Variants in NRXN1 observed in about 807,000 individuals in gnomAD.
NRXN1 encodes neurexin-1.
A neutral mutation model predicts 150.9 loss-of-function variants in NRXN1; 39 were observed. The ratio of observed to expected loss-of-function variants is 0.26; its 90% CI spans 0.20 to 0.34. The LOEUF (loss-of-function observed/expected upper bound fraction) is 0.34. NRXN1 is among the 10% of genes least tolerant of loss of function. The pLI, the probability that NRXN1 is intolerant of heterozygous loss-of-function variation, is 1.00. For synonymous variants in NRXN1, 924 were observed against 757.0 expected, an observed-to-expected ratio of 1.22 and a Z score of -3.62; for missense variants, 1,815 against 1,949.9, an observed-to-expected ratio of 0.93 and a Z score of 1.30.
chr2:50,160,165 T>C (rs2059274127), intron 18 of NRXN1, among the ~76,000 whole-genome samples: 1 of 140,974 alleles, frequency 7.1e-6, no homozygotes, highest in Non-Finnish European at 1.6e-5. Flanking sequence ...GGATGCAAAA[T>C]TGAGTGTAAT....
At chr2:50,464,440 C>T (rs929048178) in intron 17 of NRXN1, 5 of 151,896 alleles carry the variant, frequency 3.3e-5, no homozygotes, top group Admixed American at 2.0e-4. Flanking sequence ...ACCCCATCTT[C>T]TACATTGCGA....
chr2:50,147,730 A>T (rs1489770622), intron 18 of NRXN1, among the ~76,000 whole-genome samples: 1 of 151,848 alleles, frequency 6.6e-6, no homozygotes, highest in African/African-American at 2.4e-5. Flanking sequence ...ATTTGGCTTA[A>T]CCATAGTTAA....
chr2:50,121,178 A>T (rs972383141), intron 18 of NRXN1, among the ~76,000 whole-genome samples: 5 of 151,908 alleles, frequency 3.3e-5, no homozygotes, highest in African/African-American at 1.2e-4. Context: ...TGTGCCACCA[A>T]ACCTAGCTAA....
intron 17 of NRXN1, among the ~76,000 whole-genome samples, chr2:50,272,845 C>A (rs1414459953): frequency 6.6e-6 from 1 of 151,878 alleles, no homozygotes; most frequent in Non-Finnish European, 1.5e-5. Context: ...TCTAAAAATG[C>A]ATGCTACTTA....
chr2:50,795,811 T>C (rs1706739802), intron 5 of NRXN1, among the ~76,000 whole-genome samples: 1 of 152,008 alleles, frequency 6.6e-6, no homozygotes, highest in Non-Finnish European at 1.5e-5. Flanking sequence ...ATGGTCTTAA[T>C]TATATTATTA....
intron 18 of NRXN1, among the ~76,000 whole-genome samples, chr2:50,201,161 C>G (rs2062134604): frequency 6.6e-6 from 1 of 152,094 alleles, no homozygotes; most frequent in Non-Finnish European, 1.5e-5. Context: ...AAATGCTATG[C>G]AGAGGTGAAA....
At chr2:51,015,076 C>G (rs1282430256) in intron 2 of NRXN1, among the ~76,000 whole-genome samples, 1 of 152,038 alleles carries the variant, frequency 6.6e-6, no homozygotes, top group Non-Finnish European at 1.5e-5. Context: ...ATGTTCCTGT[C>G]CTGTCTTCTA....
At chr2:50,624,134 G>C (rs1370980058) in intron 5 of NRXN1, among the ~76,000 whole-genome samples, 1 of 152,030 alleles carries the variant, frequency 6.6e-6, no homozygotes, top group Non-Finnish European at 1.5e-5. Flanking sequence ...CAAAGACTTG[G>C]AACCAACCCA....
intron 17 of NRXN1, among the ~76,000 whole-genome samples, chr2:50,403,693 G>A (rs2082548331): frequency 6.6e-6 from 1 of 151,938 alleles, no homozygotes; most frequent in Admixed American, 6.6e-5. Flanking sequence ...AATTTTTACA[G>A]CTTTGTAATA....
At chr2:50,288,368 A>G (rs76978425) in intron 17 of NRXN1, among the ~76,000 whole-genome samples, 3,448 of 152,222 alleles carry the variant, frequency 0.023, 118 homozygotes, top group African/African-American at 0.079. Context: ...CAGCCTACAC[A>G]GCAAAGAATT....
intron 9 of NRXN1, among the ~76,000 whole-genome samples, chr2:50,550,496 A>G (rs1471437866): frequency 6.6e-6 from 1 of 151,956 alleles, no homozygotes; most frequent in Non-Finnish European, 1.5e-5. Flanking sequence ...AATATTTCAA[A>G]GCACTACATA....
At chr2:50,984,402 C>A (rs1051494409) in intron 2 of NRXN1, among the ~76,000 whole-genome samples, 1 of 151,822 alleles carries the variant, frequency 6.6e-6, no homozygotes, top group Non-Finnish European at 1.5e-5. Flanking sequence ...GTGTATGCGG[C>A]CAGCAAAGCC....
At chr2:50,587,006 C>T (rs1363766504) in intron 8 of NRXN1, among the ~76,000 whole-genome samples, 1 of 152,052 alleles carries the variant, frequency 6.6e-6, no homozygotes, top group Non-Finnish European at 1.5e-5. Context: ...AAAGAAAATA[C>T]TAGAAAGAAT....
chr2:50,499,962 A>AG (rs2091861641), intron 13 of NRXN1, among the ~76,000 whole-genome samples: 1 of 151,548 alleles, frequency 6.6e-6, no homozygotes, highest in Non-Finnish European at 1.5e-5. Context: ...AAAAAAAAAA[A>AG]AAAAGTCATA....
intron 8 of NRXN1, among the ~76,000 whole-genome samples, chr2:50,559,658 C>T (rs1000209933): frequency 2.6e-5 from 4 of 152,122 alleles, no homozygotes; most frequent in African/African-American, 9.7e-5. Flanking sequence ...TACCCAGATA[C>T]ACTATATGTC....
At chr2:50,066,139 T>G (rs1558802958) in intron 19 of NRXN1, among the ~76,000 whole-genome samples, 1 of 152,150 alleles carries the variant, frequency 6.6e-6, no homozygotes, top group Non-Finnish European at 1.5e-5. Context: ...CCCTGGTTTC[T>G]TTAGTATAGC....
At chr2:50,754,008 T>A (rs3914733) in intron 5 of NRXN1, among the ~76,000 whole-genome samples, 1 of 145,558 alleles carries the variant, frequency 6.9e-6, no homozygotes. Context: ...ACTAGTTTAA[T>A]AGAACAATAA....
At chr2:50,017,293 G>A (rs1306554007) in intron 21 of NRXN1, among the ~76,000 whole-genome samples, 1 of 152,070 alleles carries the variant, frequency 6.6e-6, no homozygotes, top group Admixed American at 6.6e-5. Flanking sequence ...CAAATGTGCA[G>A]TAACAGCCCC....
At chr2:50,215,605 C>T (rs1221591811) in intron 18 of NRXN1, among the ~76,000 whole-genome samples, 1 of 151,936 alleles carries the variant, frequency 6.6e-6, no homozygotes, top group Non-Finnish European at 1.5e-5. Flanking sequence ...TTTTCTTATT[C>T]ATGAAATATG....
Sources: gnomAD v4.1 joint callset for allele counts (sites outside exome capture counted in the v4.1 genomes callset) on GRCh38, gnomAD v4.1.1 for gene constraint, MANE v1.5 for transcripts, NCBI Gene and HGNC (gene_info 2026-07-23, HGNC 2026-07-21) for gene names.